OR4K1: variants seen among roughly 807,000 people sequenced by gnomAD.
The protein encoded by OR4K1 is olfactory receptor family 4 subfamily K member 1, also known as olfactory receptor 4K1.
OR4K1 carries 16 observed loss-of-function variants against 14.4 expected under a neutral mutation model. The observed-to-expected ratio is 1.11, with a 90% CI of 0.75 to 1.68. The LOEUF (loss-of-function observed/expected upper bound fraction) is 1.68. OR4K1 is among the 40% of genes most tolerant of loss of function. The pLI is 0.00. For synonymous variants in OR4K1, 181 were observed against 133.1 expected (o/e 1.36, Z -2.48); for missense variants, 548 against 376.9 (o/e 1.45, Z -3.76).
chr14:19,922,514 GAAACTC>G, the OR4K1 span, among the ~76,000 whole-genome samples: 3 of 152,096 alleles, frequency 2.0e-5, no homozygotes, highest in Admixed American at 6.6e-5. Flanking sequence ...AAAGAGTTCT[GAAACTC>G]AACCTTGGGC....
the OR4K1 span, among the ~76,000 whole-genome samples, chr14:19,924,155 C>T: frequency 1.3e-5 from 2 of 152,100 alleles, no homozygotes; most frequent in East Asian, 3.8e-4. Flanking sequence ...AATCCTAGCA[C>T]TTTGGGAGGC....
chr14:19,924,106 T>TA, the OR4K1 span, among the ~76,000 whole-genome samples: 2 of 152,126 alleles, frequency 1.3e-5, no homozygotes, highest in African/African-American at 4.8e-5. Context: ...CTTGAAAATA[T>TA]AAAAAATGAT....
chr14:19,923,608 T>C, the OR4K1 span, among the ~76,000 whole-genome samples: 4 of 152,198 alleles, frequency 2.6e-5, no homozygotes, highest in Admixed American at 1.3e-4. Flanking sequence ...ATTACAATTA[T>C]TTATGTAAAA....
Position 19,935,495 on chromosome 14 carries a change from A to G in OR4K1, c.-19-153A>G, listed in dbSNP as rs984969694. 6 of 611,000 alleles carry G rather than the reference A, an allele frequency of 9.8e-6. No homozygotes were observed. In the South Asian group the frequency reaches 1.3e-4, roughly 13 times the overall value. 37.8% of individuals were successfully genotyped at this position (611,000 alleles called of 1,614,324 possible). Reference sequence around the variant, plus strand: ...TTCATAGCAGTCATGGATGTTAAATATTAGTCAACTGAGTATTTACATACG... The same window carrying G: ...TTCATAGCAGTCATGGATGTTAAATGTTAGTCAACTGAGTATTTACATACG... On this transcript the variant is annotated intron_variant, in intron 1 of 1. Transcript: ENST00000641172.
the OR4K1 span, chr14:19,921,432 A>G: frequency 1.2e-6 from 2 of 1,613,988 alleles, no homozygotes; most frequent in Non-Finnish European, 1.7e-6. Context: ...CATATTTTAC[A>G]CTGTTTTCAC....
chr14:19,921,557 A>G, the OR4K1 span: 4 of 1,611,548 alleles, frequency 2.5e-6, no homozygotes, highest in Non-Finnish European at 1.7e-6. Context: ...TGTCACTAGT[A>G]GTGAGAACTT....
chr14:19,931,347 C>T (rs1882179451), intron 1 of OR4K1: 1 of 152,366 alleles, frequency 6.6e-6, no homozygotes, highest in Non-Finnish European at 1.5e-5. Flanking sequence ...TGCACTGCTT[C>T]TGGGCAACCC....
chr14:19,932,158 T>A (rs1459684312), intron 1 of OR4K1, among the ~76,000 whole-genome samples: 1 of 152,248 alleles, frequency 6.6e-6, no homozygotes, highest in Non-Finnish European at 1.5e-5. Flanking sequence ...TTATCATTTA[T>A]TAGATATTGA....
At chr14:19,935,047 A>G (rs1882273899) in intron 1 of OR4K1, among the ~76,000 whole-genome samples, 2 of 152,220 alleles carry the variant, frequency 1.3e-5, no homozygotes, top group South Asian at 4.1e-4. Flanking sequence ...CTTAAGGCTA[A>G]TTGCATTCAC....
intron 1 of OR4K1, 114 bp from the exon 2 acceptor site, chr14:19,935,534 C>T (rs917832898): frequency 1.2e-6 from 1 of 828,336 alleles, no homozygotes; most frequent in Admixed American, 2.6e-5. Context: ...ATATATGTAA[C>T]CTAATTAAAT....
chr14:19,925,197 T>A, the OR4K1 span, among the ~76,000 whole-genome samples: 1 of 152,222 alleles, frequency 6.6e-6, no homozygotes, highest in African/African-American at 2.4e-5. Context: ...CTCTAGTCAA[T>A]TGAAAAAGTG....
At chr14:19,921,758 C>A in the OR4K1 span, 1 of 675,772 alleles carries the variant, frequency 1.5e-6, no homozygotes. Flanking sequence ...ATGGAAAAAT[C>A]TCTGTTTAGA....
upstream of OR4K1, among the ~76,000 whole-genome samples, chr14:19,927,812 C>T (rs1056288560): frequency 1.3e-5 from 2 of 152,224 alleles, no homozygotes; most frequent in Non-Finnish European, 2.9e-5. Flanking sequence ...ACCTGTAGTC[C>T]TTCTCCCCAG....
intron 1 of OR4K1, among the ~76,000 whole-genome samples, chr14:19,935,216 G>T (rs1320126938): frequency 6.6e-6 from 1 of 152,140 alleles, no homozygotes; most frequent in Non-Finnish European, 1.5e-5. Context: ...TGAAATAAAA[G>T]ACTTTTCCTT....
At chr14:19,924,114 G>T in the OR4K1 span, among the ~76,000 whole-genome samples, 1 of 152,118 alleles carries the variant, frequency 6.6e-6, no homozygotes, top group Non-Finnish European at 1.5e-5. Context: ...TATAAAAAAT[G>T]ATAGGGCTGG....
At position 19,936,404 on chromosome 14, in the gene OR4K1, G is replaced by A. The variant is rs763118623; in HGVS notation, c.738G>A (p.Val246=). 2 of 1,614,174 alleles carry A rather than the reference G, an allele frequency of 1.2e-6. No homozygotes were observed. Among genetic ancestry groups the A allele is most frequent in the East Asian group, 4.5e-5 (2 of 44,890 alleles). ...CTACATTAACTGCCCACATCACAGT[G>A]GTCATTCTTTTCTTCGGGCCTTGCA... is the stretch of plus-strand genomic sequence containing the variant. ...ALSTLTAHIT[V]VILFFGPCIY... is the part of the protein sequence containing the mutation. The change falls in exon 2 of 2, where the codon GTG becomes GTA. Residue 246 remains valine (V), a synonymous_variant. Coordinates refer to ENST00000641172, the MANE Select transcript of OR4K1 (RefSeq NM_001004063.3).
chr14:19,923,024 C>T, the OR4K1 span, among the ~76,000 whole-genome samples: 1 of 152,226 alleles, frequency 6.6e-6, no homozygotes, highest in Admixed American at 6.5e-5. Flanking sequence ...AGATTTTCTT[C>T]TGTAAATTAA....
the OR4K1 span, among the ~76,000 whole-genome samples, chr14:19,925,699 G>A: frequency 6.6e-6 from 1 of 152,266 alleles, no homozygotes; most frequent in African/African-American, 2.4e-5. Flanking sequence ...GCCCAGCACA[G>A]AAGCTGTTCG....
upstream of OR4K1, among the ~76,000 whole-genome samples, chr14:19,929,359 CTGTGTGTGTGTGTGTGTGTGTGTG>C (rs59130422): frequency 1.4e-5 from 2 of 144,368 alleles, no homozygotes; most frequent in Non-Finnish European, 3.0e-5. Flanking sequence ...ATATCACACT[CTGTGTGTGTGTGTGTGTGTGTGTG>C]TGTGTGTGTG....
Sources: gnomAD v4.1 joint callset for allele counts (sites outside exome capture counted in the v4.1 genomes callset) on GRCh38, gnomAD v4.1.1 for gene constraint, MANE v1.5 for transcripts, NCBI Gene and HGNC (gene_info 2026-07-23, HGNC 2026-07-21) for gene names.